The following LRRTM4 variants were observed in gnomAD, a reference collection of about 807,000 sequenced individuals.
The protein encoded by LRRTM4 is leucine-rich repeat transmembrane neuronal protein 4.
Under a neutral mutation model 47.6 loss-of-function variants are expected in LRRTM4, and 25 were observed. The ratio of observed to expected loss-of-function variants is 0.53; its 90% CI spans 0.38 to 0.73. LRRTM4 has a LOEUF of 0.73. Ranked by LOEUF, LRRTM4 falls within the 30% of genes least tolerant of loss-of-function variation. The pLI, the probability that LRRTM4 is intolerant of heterozygous loss-of-function variation, is 0.00. For missense variants in LRRTM4, 638 were observed against 713.4 expected, an observed-to-expected ratio of 0.89 and a Z score of 1.20; for synonymous variants, 311 against 269.5, an observed-to-expected ratio of 1.15 and a Z score of -1.51.
At chr2:76,766,746 G>A (rs1673471910) in intron 3 of LRRTM4, among the ~76,000 whole-genome samples, 1 of 152,162 alleles carries the variant, frequency 6.6e-6, no homozygotes, top group Non-Finnish European at 1.5e-5. Flanking sequence ...TCCTCCTAGG[G>A]AATTTTTAGC....
intron 3 of LRRTM4, among the ~76,000 whole-genome samples, chr2:77,016,865 A>G (rs944334948): frequency 4.0e-5 from 6 of 151,894 alleles, no homozygotes; most frequent in Non-Finnish European, 4.4e-5. Context: ...ATTTGAAATG[A>G]TACTTTATTG....
At chr2:76,776,682 C>T (rs1354686563) in intron 3 of LRRTM4, among the ~76,000 whole-genome samples, 3,952 of 146,106 alleles carry the variant, frequency 0.027, 99 homozygotes, top group African/African-American at 0.082. Context: ...GAGTAGGTTG[C>T]GAAAATTTTC....
chr2:77,192,930 G>A (rs1673711957), intron 3 of LRRTM4, among the ~76,000 whole-genome samples: 2 of 152,086 alleles, frequency 1.3e-5, no homozygotes, highest in South Asian at 4.1e-4. Flanking sequence ...TCAAATTTCT[G>A]GCAGGTGCAT....
intron 3 of LRRTM4, among the ~76,000 whole-genome samples, chr2:77,049,605 C>T (rs1293063737): frequency 6.6e-6 from 1 of 151,688 alleles, no homozygotes; most frequent in Admixed American, 6.6e-5. Flanking sequence ...TAGGAAATGT[C>T]CTCTCACCTT....
At chr2:77,273,950 A>T (rs969199368) in intron 3 of LRRTM4, among the ~76,000 whole-genome samples, 3 of 152,142 alleles carry the variant, frequency 2.0e-5, no homozygotes, top group African/African-American at 4.8e-5. Context: ...GAAAATTCTT[A>T]GGAAATGACC....
At chr2:77,383,481 GT>G (rs1673141036) in intron 3 of LRRTM4, among the ~76,000 whole-genome samples, 1 of 151,696 alleles carries the variant, frequency 6.6e-6, no homozygotes, top group Admixed American at 6.6e-5. Context: ...GCATCTATTT[GT>G]CAAAGCTTTG....
intron 3 of LRRTM4, among the ~76,000 whole-genome samples, chr2:76,837,909 G>A (rs1490316829): frequency 6.6e-6 from 1 of 151,730 alleles, no homozygotes; most frequent in East Asian, 1.9e-4. Flanking sequence ...ACACAGGAAG[G>A]GGAACATCAC....
At chr2:77,313,188 G>A (rs1209636026) in intron 3 of LRRTM4, among the ~76,000 whole-genome samples, 1 of 150,490 alleles carries the variant, frequency 6.6e-6, no homozygotes, top group Non-Finnish European at 1.5e-5. Context: ...TTTTTCCTGA[G>A]ACCTGTTGTG....
intron 3 of LRRTM4, among the ~76,000 whole-genome samples, chr2:77,437,670 A>C (rs1299554312): frequency 6.6e-6 from 1 of 152,128 alleles, no homozygotes; most frequent in East Asian, 1.9e-4. Context: ...ACTTAATTGA[A>C]TCATGTTTGA....
intron 3 of LRRTM4, among the ~76,000 whole-genome samples, chr2:77,500,951 TATA>T (rs1441044525): frequency 6.6e-6 from 1 of 151,442 alleles, no homozygotes; most frequent in Non-Finnish European, 1.5e-5. Context: ...GTATAGCTAG[TATA>T]ATATTTTTTG....
chr2:76,969,159 A>T (rs1431098988), intron 3 of LRRTM4, among the ~76,000 whole-genome samples: 1 of 151,958 alleles, frequency 6.6e-6, no homozygotes, highest in Admixed American at 6.6e-5. Flanking sequence ...CCTTGTCAGG[A>T]ATCTCCACCA....
At chr2:76,902,022 C>A (rs1192632400) in intron 3 of LRRTM4, among the ~76,000 whole-genome samples, 1 of 152,048 alleles carries the variant, frequency 6.6e-6, no homozygotes. Flanking sequence ...TGAAAAAGAA[C>A]AAGATAGTTT....
At chr2:76,751,856 T>C (rs377181635) in intron 3 of LRRTM4, among the ~76,000 whole-genome samples, 1 of 152,208 alleles carries the variant, frequency 6.6e-6, no homozygotes, top group East Asian at 1.9e-4. Flanking sequence ...TTCCTAAGAG[T>C]AATACAGCCC....
intron 3 of LRRTM4, among the ~76,000 whole-genome samples, chr2:77,367,511 C>T (rs1404993231): frequency 6.6e-6 from 1 of 151,678 alleles, no homozygotes; most frequent in Non-Finnish European, 1.5e-5. Context: ...ACTATTATTC[C>T]ATCTGCTGTT....
intron 3 of LRRTM4, among the ~76,000 whole-genome samples, chr2:77,199,703 C>T (rs569282239): frequency 3.9e-5 from 6 of 152,062 alleles, no homozygotes; most frequent in Non-Finnish European, 5.9e-5. Context: ...TTATCATGAA[C>T]ATTCTATGCT....
At chr2:77,074,452 G>C (rs1030551696) in intron 3 of LRRTM4, among the ~76,000 whole-genome samples, 2 of 151,974 alleles carry the variant, frequency 1.3e-5, no homozygotes, top group African/African-American at 4.8e-5. Flanking sequence ...TATCTTCTGT[G>C]TCCTCTACTG....
At chr2:76,907,633 A>C (rs1013647477) in intron 3 of LRRTM4, among the ~76,000 whole-genome samples, 1 of 126,126 alleles carries the variant, frequency 7.9e-6, no homozygotes, top group Non-Finnish European at 1.6e-5. Flanking sequence ...AGAATCAAAT[A>C]GACGCAATAA....
At position 77,214,738 on chromosome 2, in the gene LRRTM4, A is replaced by G. The variant is rs931402943; in HGVS notation, c.1551+303580T>C. Among the ~76,000 whole-genome samples the G allele has an allele frequency of 4.6e-5, 7 of 152,068 alleles. No individual in the cohort carries two copies. In the South Asian group the frequency reaches 8.3e-4, roughly 18 times the overall value. On this transcript the variant is annotated intron_variant, in intron 3 of 3. Coordinates refer to ENST00000409884, the MANE Select transcript of LRRTM4 (RefSeq NM_001134745.3). ...CATTGCTAACTTGTTAATATGGACA[A>G]TCATCTCCAGCCATCTGTTAACTCG...
intron 3 of LRRTM4, among the ~76,000 whole-genome samples, chr2:76,975,566 T>C (rs992117009): frequency 2.6e-5 from 4 of 151,722 alleles, no homozygotes; most frequent in Admixed American, 1.3e-4. Context: ...TATCTAACAT[T>C]ACTGTGGCTC....
Sources: allele counts gnomAD v4.1 joint callset (sites outside exome capture counted in the v4.1 genomes callset), GRCh38; gene constraint gnomAD v4.1.1; transcripts MANE v1.5; gene names NCBI Gene and HGNC (gene_info 2026-07-23, HGNC 2026-07-21).